RASGRP3: variants seen among roughly 807,000 people sequenced by gnomAD.
RASGRP3 encodes ras guanyl-releasing protein 3.
A neutral mutation model predicts 82.7 loss-of-function variants in RASGRP3; 54 were observed. That is an observed-to-expected ratio of 0.65 (90% confidence interval 0.52 to 0.82). RASGRP3 has a LOEUF of 0.82. Among genes scored for constraint, RASGRP3 ranks in the 40% least tolerant of loss-of-function variants. The pLI is 0.00. For synonymous variants in RASGRP3, 309 were observed against 300.5 expected (o/e 1.03, Z -0.29); for missense variants, 861 against 828.9 (o/e 1.04, Z -0.48).
At chr2:33,437,158 A>T (rs1664971493) in intron 1 of RASGRP3, among the ~76,000 whole-genome samples, 1 of 152,226 alleles carries the variant, frequency 6.6e-6, no homozygotes, top group Admixed American at 6.5e-5. Flanking sequence ...AACAGCACTG[A>T]ATAGTTTCCA....
intron 10 of RASGRP3, among the ~76,000 whole-genome samples, chr2:33,531,347 G>A (rs1019689647): frequency 6.6e-6 from 1 of 152,210 alleles, no homozygotes; most frequent in Non-Finnish European, 1.5e-5. Context: ...AAAACGTTGT[G>A]CAGAAAGTAG....
intron 14 of RASGRP3, 53 bp from the exon 15 acceptor site, chr2:33,555,478 T>C: frequency 6.7e-7 from 1 of 1,501,814 alleles, no homozygotes. Context: ...GGCCTTGTTT[T>C]CCTTCCAGAT....
chr2:33,505,308 T>A (rs1434054936), intron 1 of RASGRP3, among the ~76,000 whole-genome samples: 1 of 151,858 alleles, frequency 6.6e-6, no homozygotes, highest in Non-Finnish European at 1.5e-5. Context: ...GATTTTTTTT[T>A]TTTTTTTCTT....
chr2:33,478,788 C>T (rs72865967), intron 1 of RASGRP3, among the ~76,000 whole-genome samples: 8,905 of 152,258 alleles, frequency 0.058, 679 homozygotes, highest in African/African-American at 0.17. Flanking sequence ...AGAGAGAGCT[C>T]AAGGCTTCCA....
intron 11 of RASGRP3, 107 bp downstream of exon 11, chr2:33,534,507 A>T (rs1236980305): frequency 3.9e-6 from 3 of 772,700 alleles, no homozygotes; most frequent in African/African-American, 3.5e-5. Context: ...GAAGAATTTT[A>T]AAAATTGACA....
At chr2:33,462,420 G>C (rs1175680234) in intron 2 of RASGRP3, among the ~76,000 whole-genome samples, 1 of 150,356 alleles carries the variant, frequency 6.7e-6, no homozygotes, top group Non-Finnish European at 1.5e-5. Flanking sequence ...CGCTCTGTTG[G>C]CCAGGCTGGA....
At chr2:33,508,979 T>C (rs1670666810) in intron 1 of RASGRP3, among the ~76,000 whole-genome samples, 1 of 152,206 alleles carries the variant, frequency 6.6e-6, no homozygotes, top group Non-Finnish European at 1.5e-5. Flanking sequence ...AGTCTGAGCC[T>C]CAGAACTAAA....
rs201170179 is a variant in RASGRP3 at position 33,524,528 on chromosome 2, C to A, written c.787C>A (p.Leu263Ile). ...ISRLKETHSHLSSEVTKNWNE... is the reference protein window; with the variant it reads ...ISRLKETHSHISSEVTKNWNE... ...ACGCCTCAAAGAGACCCATTCTCAT[C>A]TTTCTTCAGAAGTTACAAAGGTATA... Residue 263 changes from leucine to isoleucine, a missense_variant, in exon 9 of 18, where the codon CTT (leucine) becomes ATT (isoleucine). Physicochemically the swap from Leu to Ile is conservative, Grantham distance 5. Transcript: ENST00000403687. 1.2e-4 allele frequency: 196 copies of A among 1,596,118 alleles called. No individual in the cohort carries two copies. In the African/African-American group the frequency reaches 2.2e-3, roughly 18 times the overall value.
At chr2:33,464,179 C>T (rs563894705) in intron 2 of RASGRP3, among the ~76,000 whole-genome samples, 7 of 148,262 alleles carry the variant, frequency 4.7e-5, no homozygotes, top group East Asian at 3.9e-4. Flanking sequence ...AGTGCAGTGG[C>T]GCTATCTTGG....
intron 1 of RASGRP3, among the ~76,000 whole-genome samples, chr2:33,443,120 G>C (rs1665315698): frequency 6.6e-6 from 1 of 152,128 alleles, no homozygotes; most frequent in Non-Finnish European, 1.5e-5. Context: ...CTGTTGCCCA[G>C]ACATAGAATC....
intron 1 of RASGRP3, among the ~76,000 whole-genome samples, chr2:33,479,064 A>G (rs964015229): frequency 3.9e-5 from 6 of 152,228 alleles, no homozygotes; most frequent in African/African-American, 1.4e-4. Context: ...ATACATTAAA[A>G]AATAAAAGTG....
chr2:33,487,371 C>T (rs1408734103), intron 1 of RASGRP3, among the ~76,000 whole-genome samples: 1 of 152,058 alleles, frequency 6.6e-6, no homozygotes, highest in Non-Finnish European at 1.5e-5. Flanking sequence ...TGAACAAAGA[C>T]AATGATAATA....
At chr2:33,528,507 T>G (rs532394661) in intron 10 of RASGRP3, among the ~76,000 whole-genome samples, 2 of 152,374 alleles carry the variant, frequency 1.3e-5, no homozygotes, top group African/African-American at 4.8e-5. Flanking sequence ...CTTCCCTGTT[T>G]GGGTTTATAA....
intron 2 of RASGRP3, among the ~76,000 whole-genome samples, chr2:33,448,656 TG>T (rs1665626965): frequency 6.6e-6 from 1 of 150,648 alleles, no homozygotes; most frequent in African/African-American, 2.4e-5. Context: ...TGGCTGGGGG[TG>T]GGGGGAAAGG....
chr2:33,534,113 G>T, intron 10 of RASGRP3: 2 of 548,242 alleles, frequency 3.6e-6, no homozygotes, highest in Non-Finnish European at 6.5e-6. Context: ...TTGAGTTGAT[G>T]GTTCTCGTCA....
chr2:33,507,230 A>T (rs1670465450), intron 1 of RASGRP3, among the ~76,000 whole-genome samples: 1 of 152,146 alleles, frequency 6.6e-6, no homozygotes, highest in African/African-American at 2.4e-5. Context: ...CCCCATCTCT[A>T]CTAAAAATAC....
At chr2:33,489,194 A>G (rs181203490) in intron 1 of RASGRP3, among the ~76,000 whole-genome samples, 12 of 152,318 alleles carry the variant, frequency 7.9e-5, no homozygotes, top group Admixed American at 2.0e-4. Flanking sequence ...ATCCAACCAA[A>G]TATGTCAATA....
chr2:33,535,763 A>G (rs763330925), intron 11 of RASGRP3, among the ~76,000 whole-genome samples: 2 of 152,240 alleles, frequency 1.3e-5, no homozygotes, highest in African/African-American at 2.4e-5. Context: ...AGACTCTTTA[A>G]AGCTAGCAAG....
chr2:33,555,830 G>A (rs1418124122), intron 15 of RASGRP3, among the ~76,000 whole-genome samples: 2 of 152,144 alleles, frequency 1.3e-5, no homozygotes, highest in Admixed American at 6.6e-5. Flanking sequence ...CAGTTAAGGT[G>A]GGAATTCTGA....
Sources: gnomAD v4.1 joint callset for allele counts (sites outside exome capture counted in the v4.1 genomes callset) on GRCh38, gnomAD v4.1.1 for gene constraint, MANE v1.5 for transcripts, NCBI Gene and HGNC (gene_info 2026-07-23, HGNC 2026-07-21) for gene names.